Variants in SRPRA observed in about 807,000 individuals in gnomAD.
The protein encoded by SRPRA is signal recognition particle receptor subunit alpha.
Under a neutral mutation model 61.1 loss-of-function variants are expected in SRPRA, and 30 were observed. That is an observed-to-expected ratio of 0.49 (90% CI 0.37 to 0.67). The LOEUF (loss-of-function observed/expected upper bound fraction) is 0.67, where lower values mean the gene tolerates loss of function less well. Ranked by LOEUF, SRPRA falls within the 30% of genes least tolerant of loss-of-function variation. SRPRA has a pLI of 0.00. For missense variants in SRPRA, 759 were observed against 828.4 expected (o/e 0.92, Z 1.03); for synonymous variants, 324 against 299.7 (o/e 1.08, Z -0.84).
chr11:126,266,734 T>G, intron 5 of SRPRA, 29 bp downstream of exon 5: 1 of 1,612,382 alleles, frequency 6.2e-7, no homozygotes, highest in Non-Finnish European at 8.5e-7. Context: ...ATAACAGTAT[T>G]TTGAGAGTAC....
Position 126,267,626 on chromosome 11 carries a change from T to C in SRPRA, c.288A>G (p.Thr96=). 6.2e-7 allele frequency: 1 copy of C among 1,614,008 alleles called. No individual in the cohort carries two copies. Among genetic ancestry groups the C allele is most frequent in the Non-Finnish European group, 8.5e-7 (1 of 1,179,882 alleles). Residue 96 remains threonine (T), a synonymous_variant, in exon 3 of 14, where the codon ACA becomes ACG. Coordinates refer to ENST00000332118, the MANE Select transcript of SRPRA (RefSeq NM_003139.4). This position sits in a 1 kb window ranked among gnomAD's most constrained non-coding sequence, Gnocchi z 4.2. ...TTAAAGCACTTTGCTGTTGGATCTC[T>C]GTGCGGTACTTGTCCCGAAACAGCC... ...VHRLFRDKYR[T]EIQQQSALSL...
chr11:126,268,000 T>TA lies in SRPRA; in HGVS notation c.201+2dup. The TA allele has an allele frequency of 6.2e-7, 1 of 1,614,080 alleles. No homozygotes were observed. On this transcript the variant is annotated splice_region_variant and intron_variant, in intron 2 of 13. Coordinates refer to ENST00000332118, the MANE Select transcript of SRPRA (RefSeq NM_003139.4). The surrounding 1 kb of genome is among the most constrained non-coding windows in gnomAD (Gnocchi z 4.2). Reference sequence around the variant, plus strand: ...AATCGTCCCTCTACAACACCCCACTTACCACAAACACCAGCTCAAACTGGT... The same window carrying TA: ...AATCGTCCCTCTACAACACCCCACTTAACCACAAACACCAGCTCAAACTGGT...
At chr11:126,266,692 G>A in intron 5 of SRPRA, 63 bp from the exon 6 acceptor site, 2 of 1,608,338 alleles carry the variant, frequency 1.2e-6, no homozygotes, top group South Asian at 1.1e-5. Flanking sequence ...ATGAGCCAGA[G>A]ACCAGAACTC....
intron 1 of SRPRA, among the ~76,000 whole-genome samples, chr11:126,268,396 A>T (rs1392700963): frequency 6.6e-6 from 1 of 152,190 alleles, no homozygotes; most frequent in Non-Finnish European, 1.5e-5. Context: ...CTGTTATTTC[A>T]CCTAGGCTCG....
At chr11:126,241,218 A>T in the SRPRA span, 1 of 614,722 alleles carries the variant, frequency 1.6e-6, no homozygotes, top group South Asian at 2.9e-5. Context: ...TATGGACCCT[A>T]CTCAGGACAG....
the SRPRA span, among the ~76,000 whole-genome samples, chr11:126,255,858 C>G: frequency 5.9e-4 from 90 of 152,106 alleles, no homozygotes; most frequent in African/African-American, 2.1e-3. The surrounding 1 kb of genome is among the most constrained non-coding windows in gnomAD (Gnocchi z 4.6). Flanking sequence ...GAGTCTGAGG[C>G]AGGAGAATCG....
the SRPRA span, chr11:126,250,480 T>C: frequency 6.5e-7 from 1 of 1,543,040 alleles, no homozygotes; most frequent in Admixed American, 1.7e-5. The surrounding 1 kb of genome is among the most constrained non-coding windows in gnomAD (Gnocchi z 5.1). Context: ...TTTGGACTAA[T>C]TTTCTTTTTT....
At chr11:126,244,641 T>C in the SRPRA span, among the ~76,000 whole-genome samples, 1 of 152,016 alleles carries the variant, frequency 6.6e-6, no homozygotes, top group Admixed American at 6.6e-5. This position sits in a 1 kb window ranked among gnomAD's most constrained non-coding sequence, Gnocchi z 4.5. Context: ...CCGTCTCTAC[T>C]AAAAATACAA....
At chr11:126,240,316 A>G in the SRPRA span, among the ~76,000 whole-genome samples, 1 of 151,092 alleles carries the variant, frequency 6.6e-6, no homozygotes, top group African/African-American at 2.4e-5. Flanking sequence ...CAAAATTCAG[A>G]ATTAAATTTT....
At chr11:126,252,772 C>T in the SRPRA span, among the ~76,000 whole-genome samples, 7 of 151,998 alleles carry the variant, frequency 4.6e-5, no homozygotes, top group South Asian at 2.1e-4. This position sits in a 1 kb window ranked among gnomAD's most constrained non-coding sequence, Gnocchi z 4.7. Flanking sequence ...CAGTGGTTCA[C>T]GTCTGTAATC....
chr11:126,267,542 C>G lies in SRPRA; in HGVS notation c.365+7G>C. The G allele has an allele frequency of 6.2e-7, 1 of 1,613,324 alleles. No homozygotes were observed. The highest frequency in any genetic ancestry group is 8.5e-7 in the Non-Finnish European group (1 of 1,179,878). ...TAAATTGATTTTAGAGAAGGCAGGT[C>G]TCTCACCGAAGGAGCCGCAGGAAGT... is the stretch of plus-strand genomic sequence containing the variant. On this transcript the variant is annotated splice_region_variant and intron_variant, in intron 3 of 13. Coordinates refer to ENST00000332118, the MANE Select transcript of SRPRA (RefSeq NM_003139.4). The surrounding 1 kb of genome is among the most constrained non-coding windows in gnomAD (Gnocchi z 4.2).
downstream of SRPRA, chr11:126,262,686 G>A (rs976425433): frequency 1.3e-5 from 2 of 152,684 alleles, no homozygotes; most frequent in South Asian, 4.1e-4. Flanking sequence ...GTCATTGTAA[G>A]AAACTCTAAC....
At position 126,268,886 on chromosome 11, in the gene SRPRA, G is replaced by C. The variant is rs968121210; in HGVS notation, c.-82C>G. ...CCGCTTCCTGCTGCGCCAAGCGCGG[G>C]ACACGTCACACCAGTGGCCCCGGAA... On this transcript the variant is annotated 5_prime_UTR_variant, in exon 1 of 14. Transcript: ENST00000332118. The C allele has an allele frequency of 3.4e-6, 4 of 1,174,012 alleles. No homozygotes were observed. Among genetic ancestry groups the C allele is most frequent in the African/African-American group, 1.5e-5 (1 of 66,410 alleles). 72.7% of individuals were successfully genotyped at this position (1,174,012 alleles called of 1,614,324 possible).
At chr11:126,237,430 T>C in the SRPRA span, among the ~76,000 whole-genome samples, 3 of 144,722 alleles carry the variant, frequency 2.1e-5, no homozygotes, top group African/African-American at 7.5e-5. Context: ...TAAAGACAGG[T>C]TTTCACCATG....
rs370291391 is a variant in SRPRA at position 126,264,177 on chromosome 11, A to G, written c.1788+14T>C. ...GTGCAGGACGCCCATTCCAGCCTCC[A>G]GTCTCACGTTTACCTTGTCATCAAT... On this transcript the variant is annotated intron_variant, in intron 13 of 13. Coordinates refer to ENST00000332118, the MANE Select transcript of SRPRA (RefSeq NM_003139.4). This position sits in a 1 kb window ranked among gnomAD's most constrained non-coding sequence, Gnocchi z 5.0. 2.7e-5 allele frequency: 43 copies of G among 1,613,560 alleles called. No homozygotes were observed. The highest frequency in any genetic ancestry group is 3.6e-5 in the Non-Finnish European group (43 of 1,179,714).
downstream of SRPRA, chr11:126,262,323 T>C: frequency 1.8e-6 from 1 of 543,948 alleles, no homozygotes. Context: ...CTTGATATTC[T>C]GCCGCCTGTT....
chr11:126,236,880 C>T, the SRPRA span, among the ~76,000 whole-genome samples: 1 of 115,900 alleles, frequency 8.6e-6, no homozygotes, highest in Non-Finnish European at 1.8e-5. Context: ...TTTGTTTGTT[C>T]ATTTTTTCAT....
At chr11:126,254,196 G>GACT in the SRPRA span, 1 of 1,320,222 alleles carries the variant, frequency 7.6e-7, no homozygotes, top group East Asian at 2.4e-5. Flanking sequence ...CATGAAGCTA[G>GACT]AGAGTTTATG....
At chr11:126,266,985 A>G in intron 4 of SRPRA, 63 bp from the exon 5 acceptor site, 44 of 1,569,448 alleles carry the variant, frequency 2.8e-5, no homozygotes, top group Admixed American at 3.9e-5. Flanking sequence ...GACAATGGCT[A>G]AAAGTCTTCC....
Sources: gnomAD v4.1 joint callset for allele counts (sites outside exome capture counted in the v4.1 genomes callset) on GRCh38, gnomAD v4.1.1 for gene constraint, Gnocchi (gnomAD v3.1) non-coding constraint, MANE v1.5 for transcripts, NCBI Gene and HGNC (gene_info 2026-07-23, HGNC 2026-07-21) for gene names.